CLSPN: variants seen among roughly 807,000 people sequenced by gnomAD.
CLSPN encodes the protein claspin homolog.
In CLSPN, 85 loss-of-function variants were observed where a neutral mutation model predicts 156.3. The ratio of observed to expected loss-of-function variants is 0.54; its 90% CI spans 0.46 to 0.65. The LOEUF (loss-of-function observed/expected upper bound fraction) is 0.65. CLSPN is among the 30% of genes least tolerant of loss of function. The probability of loss-of-function intolerance (pLI) is 0.00; values close to 1 mark genes in which losing one functional copy is unlikely to be tolerated. For missense variants in CLSPN, 1,407 were observed against 1,554.9 expected, an observed-to-expected ratio of 0.90 and a Z score of 1.60; for synonymous variants, 534 against 542.4, an observed-to-expected ratio of 0.98 and a Z score of 0.22.
At chr1:35,741,907 G>T (rs1641704659) in intron 18 of CLSPN, among the ~76,000 whole-genome samples, 1 of 146,570 alleles carries the variant, frequency 6.8e-6, no homozygotes, top group Admixed American at 6.9e-5. Context: ...CCGGGAGGCG[G>T]AGGTTGCAGT....
At position 35,734,606 on chromosome 1, in the gene CLSPN, A is replaced by G. The variant is rs960379048; in HGVS notation, c.*1890T>C. The stretch of plus-strand genomic sequence containing the variant: ...CGAGGCAGAATTGCTTGAACCTAGG[A>G]GGCGGAGGTTGCAGTAAGCCGAGAT... On this transcript the variant is annotated 3_prime_UTR_variant, in exon 25 of 25. Transcript: ENST00000318121. The G allele has an allele frequency of 3.8e-4, 148 of 385,462 alleles. No homozygotes were observed. Among genetic ancestry groups the G allele is most frequent in the Non-Finnish European group, 4.9e-4 (140 of 284,958 alleles). 23.9% of individuals were successfully genotyped at this position (385,462 alleles called of 1,614,324 possible). A position where few individuals can be genotyped will look rare whatever the true frequency, so the allele number is the denominator to read the frequency against.
chr1:35,725,862 G>T (rs924491822), intron 24 of CLSPN, among the ~76,000 whole-genome samples: 3 of 152,016 alleles, frequency 2.0e-5, no homozygotes, highest in Non-Finnish European at 2.9e-5. Context: ...CTCCTGGCAC[G>T]CACAGAGAAG....
At chr1:35,761,055 A>G (rs773041842) in intron 7 of CLSPN, 41 bp downstream of exon 7, 25 of 1,500,536 alleles carry the variant, frequency 1.7e-5, no homozygotes, top group Non-Finnish European at 2.3e-5. Flanking sequence ...CTACAAAACT[A>G]AATGTTCATG....
rs116134597 is a variant in CLSPN, at chr1:35,739,081, G to A, written c.3430+55C>T. On this transcript the variant is annotated intron_variant, in intron 20 of 24. Transcript: ENST00000318121. ...CCCAAAGTGTTGGGATTACAGGCGT[G>A]AGCCACCATGCTCAGCCCGTAACTG... The A allele has an allele frequency of 2.1e-3, 3,314 of 1,607,100 alleles. 49 individuals are homozygous for A. In the African/African-American group the frequency reaches 0.037, roughly 18 times the overall value.
At chr1:35,736,830 A>C in intron 24 of CLSPN, 84 bp downstream of exon 24, 1 of 1,485,662 alleles carries the variant, frequency 6.7e-7, no homozygotes, top group Non-Finnish European at 9.1e-7. Context: ...CATAGAGGTT[A>C]AGCCAGAATT....
rs929367384 is a variant in CLSPN, at chr1:35,734,909, A to C, written c.*1587T>G. ...GATGCTCAGTTCTGAGGGGAAAAACATTTGTCTAAAATTCTGAGAAGCTTG... is the reference window on the plus strand; with the variant it reads ...GATGCTCAGTTCTGAGGGGAAAAACCTTTGTCTAAAATTCTGAGAAGCTTG... On this transcript the variant is annotated 3_prime_UTR_variant, in exon 25 of 25. Transcript: ENST00000318121. 5 of 985,338 alleles carry C rather than the reference A, an allele frequency of 5.1e-6. No individual in the cohort carries two copies. The African/African-American group carries it at 8.7e-5, about 17-fold the overall frequency. The allele number at this position is 985,338 out of a possible 1,614,324, so 61.0% of individuals were successfully genotyped here. A position where few individuals can be genotyped will look rare whatever the true frequency, so the allele number is the denominator to read the frequency against.
chr1:35,762,450 T>C lies in CLSPN; in HGVS notation c.776A>G (p.His259Arg). 1 of 1,613,966 alleles carries C rather than the reference T, an allele frequency of 6.2e-7. No individual in the cohort carries two copies. The highest frequency in any genetic ancestry group is 1.7e-4 in the Middle Eastern group (1 of 6,060). ...TAACTCACTTCCTTCCTCAAATGAA[T>C]GGACCCCACTCTCCAAAGATGGTTC... ...KKEPSLESGV[H>R]SFEEGSELSK... Residue 259 changes from histidine to arginine, a missense_variant, in exon 5 of 25, where the codon CAT becomes CGT. Around this residue, in one of 3 missense-constraint regions of CLSPN, gnomAD observed 1,096 missense variants for 1,193.0 expected, o/e 0.92. Transcript: ENST00000318121.
Position 35,733,185 on chromosome 1 carries a change from C to T in CLSPN, c.*3311G>A, listed in dbSNP as rs939195634. Among the ~76,000 whole-genome samples, 1 of 152,116 alleles carries T rather than the reference C, an allele frequency of 6.6e-6. No homozygotes were observed. The highest frequency in any genetic ancestry group is 2.4e-5 in the African/African-American group (1 of 41,434). ...GTTTCACCTTGTTGGTCAGTCTGGT[C>T]TCCAACTCCTGACCTTAGGTGATCC... On this transcript the variant is annotated 3_prime_UTR_variant, in exon 25 of 25. Coordinates refer to ENST00000318121, the MANE Select transcript of CLSPN (RefSeq NM_022111.4).
Position 35,748,432 on chromosome 1 carries a change from TCGAAATAGCC to T in CLSPN, c.2435_2444del (p.Gly812GlufsTer22), listed in dbSNP as rs1259125108. 1 of 1,613,922 alleles carries T rather than the reference TCGAAATAGCC, an allele frequency of 6.2e-7. No individual in the cohort carries two copies. ...TAGAAGCTGAGCTGACCAAACTGGCTCGAAATAGCCCAGGGGAAGGAGATCTGAATCCTCC... is the reference window on the plus strand; with the variant it reads ...TAGAAGCTGAGCTGACCAAACTGGCTCAGGGGAAGGAGATCTGAATCCTCC... On this transcript the variant is annotated frameshift_variant, in exon 13 of 25. Coordinates refer to ENST00000318121, the MANE Select transcript of CLSPN (RefSeq NM_022111.4). LOFTEE classifies it high-confidence loss of function.
chr1:35,746,886 A>G lies in CLSPN; in HGVS notation c.2734T>C (p.Leu912=), dbSNP rs1641899776. 1.2e-6 allele frequency: 2 copies of G among 1,613,962 alleles called. No individual in the cohort carries two copies. The highest frequency in any genetic ancestry group is 2.7e-5 in the African/African-American group (2 of 74,934). Residue 912 remains leucine, a synonymous_variant, in exon 15 of 25, where the codon TTG becomes CTG. Transcript: ENST00000318121. The surrounding 1 kb of genome is among the most constrained non-coding windows in gnomAD (Gnocchi z 4.2). ...NAMDANMDEL[L]DLCTGKFTSQ... ...GTGAACTTTCCAGTACACAAATCCA[A>G]CAGCTCATCCATGTTGGCATCCATG...
rs553933579 is a variant in CLSPN, at chr1:35,761,488, T to C, written c.896-284A>G. 1.2e-4 allele frequency among the ~76,000 whole-genome samples: 18 copies of C among 152,310 alleles called. No homozygotes were observed. In the South Asian group the frequency reaches 2.5e-3, roughly 21 times the overall value. On this transcript the variant is annotated intron_variant, in intron 6 of 24. Transcript: ENST00000318121. ...TCTCTGTGGGACCTAAACATTTATA[T>C]ACAGTAGTCCCCGCTTATCCAGACA... is the stretch of plus-strand genomic sequence containing the variant.
In CLSPN at chr1:35,761,088, G is replaced by A; in HGVS notation, c.1004+8C>T. ...ATGAAAATTATAATAAGGAAAGAGG[G>A]TTCTTACTTCAATAGTGCCATGGCA... is the stretch of plus-strand genomic sequence containing the variant. On this transcript the variant is annotated splice_region_variant and intron_variant, in intron 7 of 24. Transcript: ENST00000318121. 6.4e-7 allele frequency: 1 copy of A among 1,567,516 alleles called. No homozygotes were observed. Among genetic ancestry groups the A allele is most frequent in the Non-Finnish European group, 8.8e-7 (1 of 1,138,152 alleles).
chr1:35,741,867 G>GGA (rs1042195556), intron 18 of CLSPN, among the ~76,000 whole-genome samples: 3 of 150,934 alleles, frequency 2.0e-5, no homozygotes, highest in African/African-American at 7.3e-5. Context: ...CAGCTACTCA[G>GGA]GAGGCTGAAG....
At position 35,734,445 on chromosome 1, in the gene CLSPN, C is replaced by T. The variant is rs1247785258; in HGVS notation, c.*2051G>A. ...CTATAATCCCAGCACTTTGGGAGGC[C>T]GAGACGGGTGGATCACCTCAGGTCA... On this transcript the variant is annotated 3_prime_UTR_variant, in exon 25 of 25. Transcript: ENST00000318121. The T allele has an allele frequency of 3.6e-6, 3 of 832,986 alleles. No homozygotes were observed. Among genetic ancestry groups the T allele is most frequent in the East Asian group, 1.2e-4 (1 of 8,108 alleles). 51.6% of individuals were successfully genotyped at this position (832,986 alleles called of 1,614,324 possible).
At chr1:35,755,079 G>A (rs1024185418) in intron 8 of CLSPN, among the ~76,000 whole-genome samples, 11 of 151,968 alleles carry the variant, frequency 7.2e-5, no homozygotes, top group East Asian at 5.8e-4. Context: ...ATTTTCAGGC[G>A]GCCTTCTCGT....
At chr1:35,760,134 C>G (rs1165562323) in intron 8 of CLSPN, among the ~76,000 whole-genome samples, 2 of 152,168 alleles carry the variant, frequency 1.3e-5, no homozygotes, top group Non-Finnish European at 2.9e-5. Flanking sequence ...ACCCAGCCAA[C>G]AGACTTCCAT....
intron 24 of CLSPN, 110 bp from the exon 25 acceptor site, chr1:35,736,716 A>T: frequency 6.9e-7 from 1 of 1,444,516 alleles, no homozygotes; most frequent in Non-Finnish European, 9.2e-7. Context: ...AACAGAAAAA[A>T]AGAAAGAAAG....
chr1:35,724,680 G>A (rs1641140182), intron 24 of CLSPN, among the ~76,000 whole-genome samples: 1 of 152,154 alleles, frequency 6.6e-6, no homozygotes, highest in Non-Finnish European at 1.5e-5. Context: ...CTTAAAAATT[G>A]TTCAATAACA....
intron 13 of CLSPN, 90 bp downstream of exon 13, chr1:35,748,315 G>T: frequency 8.2e-7 from 1 of 1,225,944 alleles, no homozygotes; most frequent in Non-Finnish European, 1.2e-6. Flanking sequence ...CAGTACCAAC[G>T]TGGTGGGAGT....
Sources: gnomAD v4.1 joint callset for allele counts (sites outside exome capture counted in the v4.1 genomes callset) on GRCh38, gnomAD v4.1.1 for gene constraint, gnomAD v4.1.1 regional missense constraint, Gnocchi (gnomAD v3.1) non-coding constraint, MANE v1.5 for transcripts, NCBI Gene and HGNC (gene_info 2026-07-23, HGNC 2026-07-21) for gene names.